Variants in IQCH observed in about 807,000 individuals in gnomAD.
IQCH encodes the protein IQ motif containing H.
Under a neutral mutation model 117.0 loss-of-function variants are expected in IQCH, and 98 were observed. The observed-to-expected ratio is 0.84, with a 90% CI of 0.71 to 0.99. IQCH has a LOEUF of 0.99. Among genes scored for constraint, IQCH ranks in the 50% least tolerant of loss-of-function variants. The pLI is 0.00. For missense variants in IQCH, 1,102 were observed against 1,243.8 expected (o/e 0.89, Z 1.72); for synonymous variants, 412 against 448.2 (o/e 0.92, Z 1.02).
intron 4 of IQCH, among the ~76,000 whole-genome samples, chr15:67,304,014 G>A (rs764015967): frequency 1.4e-4 from 21 of 152,110 alleles, no homozygotes; most frequent in African/African-American, 4.8e-4. Flanking sequence ...GACCTGGAAA[G>A]CTAAAAAGAA....
rs1386715463 is a variant in IQCH at position 67,424,850 on chromosome 15, G to C, written c.2505+3273G>C. On this transcript the variant is annotated intron_variant, in intron 16 of 20. Transcript: ENST00000335894. The surrounding 1 kb of genome is among the most constrained non-coding windows in gnomAD (Gnocchi z 4.9). ...GGGTGTTTCTGCATTAGCAAGAGAA[G>C]TATGTTTGTTCTCTGTATATAATAA... Among the ~76,000 whole-genome samples the C allele has an allele frequency of 6.6e-6, 1 of 152,192 alleles. No individual in the cohort carries two copies. Among genetic ancestry groups the C allele is most frequent in the Non-Finnish European group, 1.5e-5 (1 of 68,032 alleles).
chr15:67,357,310 C>CTGGAAAAGG, intron 6 of IQCH, 35 bp from the exon 7 acceptor site: 1 of 1,441,644 alleles, frequency 6.9e-7, no homozygotes, highest in Non-Finnish European at 9.8e-7. Flanking sequence ...GCCTCTTCTT[C>CTGGAAAAGG]TGGAAAAGGT....
At chr15:67,353,358 A>AT (rs1181718802) in intron 6 of IQCH, among the ~76,000 whole-genome samples, 93 of 70,430 alleles carry the variant, frequency 1.3e-3, no homozygotes, top group African/African-American at 3.3e-3. Flanking sequence ...TTTTATATTT[A>AT]TTTATTTTTT....
chr15:67,393,207 A>G lies in IQCH; in HGVS notation c.1633-2084A>G, dbSNP rs755313502. ...CCTCATTTGAATATGAGAAATTGAG[A>G]CTCAGAAAGGTTGAGTTTTCTAAAT... On this transcript the variant is annotated intron_variant, in intron 12 of 20. Coordinates refer to ENST00000335894, the MANE Select transcript of IQCH (RefSeq NM_001031715.3). This position sits in a 1 kb window ranked among gnomAD's most constrained non-coding sequence, Gnocchi z 5.5. Among the ~76,000 whole-genome samples the G allele has an allele frequency of 6.6e-6, 1 of 152,212 alleles. No homozygotes were observed. Among genetic ancestry groups the G allele is most frequent in the Non-Finnish European group, 1.5e-5 (1 of 68,042 alleles).
chr15:67,372,749 CCTTTCT>C lies in IQCH; in HGVS notation c.1305+93_1305+98del, dbSNP rs920885536. ...GTTGTAATAAGTTGTCTCTATCTTC[CCTTTCT>C]CTTTCCAACTACTCTCCTTGCCTCA... On this transcript the variant is annotated intron_variant, in intron 9 of 20. Transcript: ENST00000335894. 81 of 1,169,604 alleles carry C rather than the reference CCTTTCT, an allele frequency of 6.9e-5. No individual in the cohort carries two copies. The African/African-American group carries it at 1.2e-3, about 18-fold the overall frequency. 72.5% of individuals were successfully genotyped at this position (1,169,604 alleles called of 1,614,324 possible).
In IQCH at chr15:67,456,890, A is replaced by G. The variant is rs575358900; in HGVS notation, c.2506-8237A>G. ...CCACTCCAAACACCCCATAGAAGGC[A>G]GTGTCCAAGGGGATTGGTACAGAGA... On this transcript the variant is annotated intron_variant, in intron 16 of 20. Coordinates refer to ENST00000335894, the MANE Select transcript of IQCH (RefSeq NM_001031715.3). This position sits in a 1 kb window ranked among gnomAD's most constrained non-coding sequence, Gnocchi z 5.1. Among the ~76,000 whole-genome samples, 65 of 152,278 alleles carry G rather than the reference A, an allele frequency of 4.3e-4. No homozygotes were observed. Among genetic ancestry groups the G allele is most frequent in the African/African-American group, 1.5e-3 (61 of 41,564 alleles).
At chr15:67,421,169 A>G in intron 15 of IQCH, 122 bp from the exon 16 acceptor site, 1 of 746,610 alleles carries the variant, frequency 1.3e-6, no homozygotes. Context: ...ATAAAGAAAA[A>G]TAAGTTCAGA....
intron 4 of IQCH, among the ~76,000 whole-genome samples, chr15:67,294,878 G>A (rs1367945800): frequency 6.6e-6 from 1 of 152,166 alleles, no homozygotes; most frequent in African/African-American, 2.4e-5. Context: ...CATCATGCCT[G>A]GGAGACAAAA....
rs757136708 is a variant in IQCH, at chr15:67,279,532, T to C, written c.387+20T>C. 41 of 1,424,154 alleles carry C rather than the reference T, an allele frequency of 2.9e-5. No homozygotes were observed. Among genetic ancestry groups the C allele is most frequent in the Non-Finnish European group, 3.5e-5 (36 of 1,019,532 alleles). 88.2% of individuals were successfully genotyped at this position (1,424,154 alleles called of 1,614,324 possible). A position where few individuals can be genotyped will look rare whatever the true frequency, so the allele number is the denominator to read the frequency against. On this transcript the variant is annotated intron_variant, in intron 4 of 20. Coordinates refer to ENST00000335894, the MANE Select transcript of IQCH (RefSeq NM_001031715.3). ...GCAAAGGTAGGTATAGAGAAATTCA[T>C]AGAGACAGAAAGTAGTTTAGTGATT...
chr15:67,394,514 C>T (rs1220120982), intron 12 of IQCH, among the ~76,000 whole-genome samples: 1 of 152,098 alleles, frequency 6.6e-6, no homozygotes, highest in Non-Finnish European at 1.5e-5. Flanking sequence ...TTTGTGTCCC[C>T]ACCCCTCAAA....
chr15:67,268,564 C>T (rs1293340477), intron 3 of IQCH, among the ~76,000 whole-genome samples: 2 of 152,036 alleles, frequency 1.3e-5, no homozygotes, highest in Non-Finnish European at 2.9e-5. Context: ...ATTTTATGTT[C>T]GCTCTGTTGT....
chr15:67,453,727 G>A lies in IQCH; in HGVS notation c.2506-11400G>A, dbSNP rs1208213390. On this transcript the variant is annotated intron_variant, in intron 16 of 20. Transcript: ENST00000335894. This position sits in a 1 kb window ranked among gnomAD's most constrained non-coding sequence, Gnocchi z 5.8. ...TTCTCAGATCTCAAGCTGCATGCTG[G>A]GAGAACCACTACTCTTCAAAGCTGT... Among the ~76,000 whole-genome samples the A allele has an allele frequency of 1.3e-5, 2 of 152,172 alleles. No homozygotes were observed. Among genetic ancestry groups the A allele is most frequent in the Non-Finnish European group, 2.9e-5 (2 of 68,030 alleles).
chr15:67,461,012 A>C (rs770025978), intron 16 of IQCH, among the ~76,000 whole-genome samples: 23 of 152,212 alleles, frequency 1.5e-4, no homozygotes, highest in Non-Finnish European at 2.6e-4. Flanking sequence ...TTGCTCACCT[A>C]AAGTGGGACA....
chr15:67,276,500 T>C (rs1302532327), intron 3 of IQCH, among the ~76,000 whole-genome samples: 1 of 152,224 alleles, frequency 6.6e-6, no homozygotes, highest in Non-Finnish European at 1.5e-5. Context: ...AAGAATTTCC[T>C]TTAATGGTTC....
rs1445300023 is a variant in IQCH, at chr15:67,481,872, T to C, written c.2799+6054T>C. The stretch of plus-strand genomic sequence containing the variant: ...TGGATTAAAAGAGACTGTTGCTGCT[T>C]AAGACTTAAAACAACCCTTGGGCCC... On this transcript the variant is annotated intron_variant, in intron 18 of 20. Coordinates refer to ENST00000335894, the MANE Select transcript of IQCH (RefSeq NM_001031715.3). The surrounding 1 kb of genome is among the most constrained non-coding windows in gnomAD (Gnocchi z 4.1). 6.6e-6 allele frequency among the ~76,000 whole-genome samples: 1 copy of C among 152,194 alleles called. No homozygotes were observed. Among genetic ancestry groups the C allele is most frequent in the East Asian group, 1.9e-4 (1 of 5,196 alleles).
rs1378115970 is a variant in IQCH, at chr15:67,288,668, A to G, written c.387+9156A>G. On this transcript the variant is annotated intron_variant, in intron 4 of 20. Transcript: ENST00000335894. ...AAAATGCATTTCTTGTAGGCAACAT[A>G]TCATTGGGTCTTGTTTTTGCATCCA... is the stretch of plus-strand genomic sequence containing the variant. Among the ~76,000 whole-genome samples the G allele has an allele frequency of 4.6e-5, 7 of 152,056 alleles. No homozygotes were observed. The East Asian group carries it at 1.3e-3, about 29-fold the overall frequency.
At chr15:67,350,527 A>T (rs1417443538) in intron 6 of IQCH, among the ~76,000 whole-genome samples, 5 of 152,038 alleles carry the variant, frequency 3.3e-5, no homozygotes, top group African/African-American at 1.2e-4. Context: ...CCCAGGTTCA[A>T]GCAATTCTCC....
rs1050530504 is a variant in IQCH at position 67,342,727 on chromosome 15, A to G, written c.509-1336A>G. On this transcript the variant is annotated intron_variant, in intron 5 of 20. Transcript: ENST00000335894. This position sits in a 1 kb window ranked among gnomAD's most constrained non-coding sequence, Gnocchi z 4.7. ...GAAGTACTAATTTCAAAAAGGTCCT[A>G]AAGTGTTATACTCTGGATCAGTAAT... 3.9e-5 allele frequency among the ~76,000 whole-genome samples: 6 copies of G among 152,194 alleles called. No individual in the cohort carries two copies. The highest frequency in any genetic ancestry group is 8.8e-5 in the Non-Finnish European group (6 of 68,034).
chr15:67,324,335 A>C (rs1596183092), intron 4 of IQCH, among the ~76,000 whole-genome samples: 2 of 151,952 alleles, frequency 1.3e-5, no homozygotes, highest in Admixed American at 6.6e-5. Flanking sequence ...AGATTGGCCA[A>C]GCACAGTGGC....
Sources: allele counts gnomAD v4.1 joint callset (sites outside exome capture counted in the v4.1 genomes callset), GRCh38; gene constraint gnomAD v4.1.1; non-coding constraint Gnocchi (gnomAD v3.1); transcripts MANE v1.5; gene names NCBI Gene and HGNC (gene_info 2026-07-23, HGNC 2026-07-21).